The following TMEM123 variants were observed in gnomAD, a reference collection of about 807,000 sequenced individuals.
The protein encoded by TMEM123 is porimin.
TMEM123 carries 16 observed loss-of-function variants against 19.7 expected under a neutral mutation model. That is an observed-to-expected ratio of 0.81 (90% CI 0.55 to 1.23). The LOEUF (loss-of-function observed/expected upper bound fraction) is 1.23. Ranked by LOEUF, TMEM123 falls within the 50% of genes most tolerant of loss-of-function variation. TMEM123 has a pLI of 0.00. For synonymous variants in TMEM123, 118 were observed against 99.4 expected, an observed-to-expected ratio of 1.19 and a Z score of -1.12; for missense variants, 313 against 257.8, an observed-to-expected ratio of 1.21 and a Z score of -1.47.
intron 2 of TMEM123, among the ~76,000 whole-genome samples, chr11:102,407,910 A>C (rs1951969787): frequency 6.6e-6 from 1 of 152,192 alleles, no homozygotes; most frequent in Non-Finnish European, 1.5e-5. Context: ...TAATACACTC[A>C]GCTTCAAAGG....
intron 2 of TMEM123, among the ~76,000 whole-genome samples, chr11:102,408,499 TTAC>T (rs1231590420): frequency 6.6e-6 from 1 of 152,232 alleles, no homozygotes; most frequent in Non-Finnish European, 1.5e-5. Flanking sequence ...CTTAGGCAAG[TTAC>T]TTAATCTCTC....
chr11:102,401,729 A>ATTT, intron 3 of TMEM123, 37 bp from the exon 4 acceptor site: 1 of 1,296,596 alleles, frequency 7.7e-7, no homozygotes. Flanking sequence ...CTTTAGCGTT[A>ATTT]TTTTTTTTTT....
intron 2 of TMEM123, among the ~76,000 whole-genome samples, chr11:102,405,497 T>C (rs751035669): frequency 1.3e-5 from 2 of 152,258 alleles, no homozygotes; most frequent in Non-Finnish European, 2.9e-5. Context: ...CTGAATGTTC[T>C]ATAGAGATAT....
In TMEM123 at chr11:102,452,575, G is replaced by A. The variant is rs762765229; in HGVS notation, c.49C>T (p.Leu17=). 3.8e-6 allele frequency: 6 copies of A among 1,573,314 alleles called. No homozygotes were observed. Among genetic ancestry groups the A allele is most frequent in the African/African-American group, 2.7e-5 (2 of 73,384 alleles). ...GCCCCCAGCAGCGCTAGCACCTGCAGCGTCCCCAGGAGCAGCGCGGCCCAA... is the reference window on the plus strand; with the variant it reads ...GCCCCCAGCAGCGCTAGCACCTGCAACGTCCCCAGGAGCAGCGCGGCCCAA... ...GAWAALLLGT[L]QVLALLGAAH... is the part of the protein sequence containing the mutation. Residue 17 remains leucine (L), a synonymous_variant, in exon 1 of 5, where the codon CTG becomes TTG. Coordinates refer to ENST00000398136, the MANE Select transcript of TMEM123 (RefSeq NM_052932.3).
At chr11:102,441,850 A>G (rs891980570) in intron 2 of TMEM123, among the ~76,000 whole-genome samples, 17 of 152,334 alleles carry the variant, frequency 1.1e-4, no homozygotes, top group Non-Finnish European at 2.4e-4. Context: ...CAGACGCAAT[A>G]AAAAATGATG....
chr11:102,403,513 G>A (rs1951930427), intron 2 of TMEM123, among the ~76,000 whole-genome samples: 1 of 152,110 alleles, frequency 6.6e-6, no homozygotes, highest in Admixed American at 6.5e-5. Flanking sequence ...GGGAATGAAA[G>A]CTTTTAATAT....
At chr11:102,436,836 G>A (rs997331497) in intron 2 of TMEM123, among the ~76,000 whole-genome samples, 33 of 152,160 alleles carry the variant, frequency 2.2e-4, no homozygotes, top group African/African-American at 8.0e-4. Flanking sequence ...AAAAAAGAAT[G>A]TCAAGTATTA....
intron 2 of TMEM123, among the ~76,000 whole-genome samples, chr11:102,409,453 C>T (rs1951983706): frequency 6.6e-6 from 1 of 152,040 alleles, no homozygotes; most frequent in Non-Finnish European, 1.5e-5. Flanking sequence ...AGCAAAGAGG[C>T]CTTTCCTCAT....
At chr11:102,438,440 G>A (rs1192721588) in intron 2 of TMEM123, among the ~76,000 whole-genome samples, 2 of 152,202 alleles carry the variant, frequency 1.3e-5, no homozygotes. Flanking sequence ...TTATCTTCAT[G>A]AGAGCAGGAA....
intron 2 of TMEM123, among the ~76,000 whole-genome samples, chr11:102,410,647 C>T (rs1951996891): frequency 6.6e-6 from 1 of 152,176 alleles, no homozygotes; most frequent in African/African-American, 2.4e-5. Flanking sequence ...ATTCACTCTG[C>T]TATTCCTCCT....
At chr11:102,407,914 T>C (rs1055677731) in intron 2 of TMEM123, among the ~76,000 whole-genome samples, 1 of 152,184 alleles carries the variant, frequency 6.6e-6, no homozygotes, top group Admixed American at 6.5e-5. Context: ...ACACTCAGCT[T>C]CAAAGGTTTT....
At chr11:102,449,942 T>C (rs1035722031) in intron 1 of TMEM123, among the ~76,000 whole-genome samples, 30 of 152,194 alleles carry the variant, frequency 2.0e-4, no homozygotes, top group Non-Finnish European at 5.9e-5. Flanking sequence ...CCTGCAGATA[T>C]GAGTGCCAAA....
chr11:102,447,015 A>T (rs909590148), intron 2 of TMEM123, among the ~76,000 whole-genome samples: 4 of 152,252 alleles, frequency 2.6e-5, no homozygotes, highest in Non-Finnish European at 5.9e-5. Flanking sequence ...TCCTATAAAA[A>T]TACACAAACT....
intron 2 of TMEM123, among the ~76,000 whole-genome samples, chr11:102,405,617 T>G (rs1360153586): frequency 6.6e-6 from 1 of 152,152 alleles, no homozygotes; most frequent in Non-Finnish European, 1.5e-5. Context: ...TATCCTATCT[T>G]TAGAATAGAA....
Position 102,451,176 on chromosome 11 carries a change from A to G in TMEM123, c.100+1348T>C, listed in dbSNP as rs572091577. On this transcript the variant is annotated intron_variant, in intron 1 of 4. Transcript: ENST00000398136. Reference sequence around the variant, plus strand: ...AAAAAAAATCTGTGTTATCAGGGCAAAAGAAAGAAAAGCATGGTCACTCAC... The same window carrying G: ...AAAAAAAATCTGTGTTATCAGGGCAGAAGAAAGAAAAGCATGGTCACTCAC... 7 of 152,362 alleles carry G rather than the reference A, an allele frequency of 4.6e-5. No homozygotes were observed. The East Asian group carries it at 1.2e-3, about 25-fold the overall frequency. The allele number at this position is 152,362 out of a possible 1,614,324, so 9.4% of individuals were successfully genotyped here. A position where few individuals can be genotyped will look rare whatever the true frequency, so the allele number is the denominator to read the frequency against.
intron 2 of TMEM123, among the ~76,000 whole-genome samples, chr11:102,421,450 T>C (rs1952086304): frequency 6.6e-6 from 1 of 152,036 alleles, no homozygotes; most frequent in Admixed American, 6.6e-5. Context: ...ATGTGTAATG[T>C]GCAGCTGCCA....
At chr11:102,444,051 A>G (rs618571) in intron 2 of TMEM123, among the ~76,000 whole-genome samples, 141,556 of 152,274 alleles carry the variant, frequency 0.93, 65,886 homozygotes, top group East Asian at 1. Flanking sequence ...GAAACAACAG[A>G]TGCTGGAGAG....
chr11:102,428,978 C>T (rs770133081), intron 2 of TMEM123, among the ~76,000 whole-genome samples: 4 of 152,160 alleles, frequency 2.6e-5, no homozygotes, highest in Non-Finnish European at 5.9e-5. Flanking sequence ...AAACACCCTT[C>T]GCTCACCCCC....
intron 2 of TMEM123, among the ~76,000 whole-genome samples, chr11:102,420,440 T>TCATTCTGCACCGAC (rs1952076776): frequency 6.6e-6 from 1 of 152,238 alleles, no homozygotes; most frequent in Non-Finnish European, 1.5e-5. Context: ...TCAACAGTGC[T>TCATTCTGCACCGAC]CATTCTGCAC....
Sources: gnomAD v4.1 joint callset for allele counts (sites outside exome capture counted in the v4.1 genomes callset) on GRCh38, gnomAD v4.1.1 for gene constraint, MANE v1.5 for transcripts, NCBI Gene and HGNC (gene_info 2026-07-23, HGNC 2026-07-21) for gene names.